Variants in FRK observed in about 807,000 individuals in gnomAD.
The protein encoded by FRK is tyrosine-protein kinase FRK.
Under a neutral mutation model 56.4 loss-of-function variants are expected in FRK, and 51 were observed. That is an observed-to-expected ratio of 0.90 (90% CI 0.72 to 1.14). FRK has a LOEUF of 1.14. Ranked by LOEUF, FRK falls within the 50% of genes most tolerant of loss-of-function variation. The pLI is 0.00. For synonymous variants in FRK, 245 were observed against 217.9 expected (o/e 1.12, Z -1.10); for missense variants, 570 against 601.4 (o/e 0.95, Z 0.55).
chr6:116,009,008 C>G (rs1236439061), intron 1 of FRK, among the ~76,000 whole-genome samples: 4 of 152,070 alleles, frequency 2.6e-5, no homozygotes, highest in Non-Finnish European at 5.9e-5. Flanking sequence ...AGAGTATGCT[C>G]AGAGAGTCCA....
chr6:116,001,191 T>C (rs1051557860), intron 2 of FRK, among the ~76,000 whole-genome samples: 6 of 149,974 alleles, frequency 4.0e-5, no homozygotes, highest in Admixed American at 3.3e-4. Context: ...TGAGCCGACA[T>C]GGCGCCACTG....
At chr6:116,056,355 G>C (rs1777400156) in intron 1 of FRK, among the ~76,000 whole-genome samples, 1 of 151,852 alleles carries the variant, frequency 6.6e-6, no homozygotes, top group South Asian at 2.1e-4. Context: ...CGAGTAGCTG[G>C]GACTACAGGT....
At chr6:115,970,331 A>G (rs2114608692) in intron 2 of FRK, among the ~76,000 whole-genome samples, 1 of 152,332 alleles carries the variant, frequency 6.6e-6, no homozygotes, top group South Asian at 2.1e-4. Context: ...ACTCCTAAGC[A>G]TAAAATCAAT....
the FRK span, among the ~76,000 whole-genome samples, chr6:116,067,070 G>T: frequency 6.6e-6 from 1 of 151,976 alleles, no homozygotes; most frequent in Non-Finnish European, 1.5e-5. Context: ...CAGTATGACA[G>T]GTGTCCTCAT....
intron 5 of FRK, among the ~76,000 whole-genome samples, chr6:115,955,231 G>C (rs1349638026): frequency 6.6e-6 from 1 of 151,850 alleles, no homozygotes; most frequent in Non-Finnish European, 1.5e-5. Context: ...AAAGGAAGGA[G>C]GAAATGCCAT....
chr6:116,071,439 A>G, the FRK span, among the ~76,000 whole-genome samples: 1 of 152,192 alleles, frequency 6.6e-6, no homozygotes, highest in African/African-American at 2.4e-5. Context: ...CATTTACAGA[A>G]TGTGAAAAAC....
chr6:116,068,343 T>G, the FRK span, among the ~76,000 whole-genome samples: 1 of 151,932 alleles, frequency 6.6e-6, no homozygotes, highest in Non-Finnish European at 1.5e-5. Flanking sequence ...AGTCTTGGAA[T>G]TTAAAGAAAA....
Position 116,014,070 on chromosome 6 carries a change from C to T in FRK, c.345-10072G>A, listed in dbSNP as rs1027233731. ...TATCATTTTAACACTCAGTGATGCA[C>T]TATGATGTCACTGAGCTTCATTAAA... is the stretch of plus-strand genomic sequence containing the variant. On this transcript the variant is annotated intron_variant, in intron 1 of 7. Transcript: ENST00000606080. 1.6e-3 allele frequency among the ~76,000 whole-genome samples: 239 copies of T among 152,320 alleles called. 1 individual carries two copies. Among genetic ancestry groups the T allele is most frequent in the Non-Finnish European group, 3.5e-4 (24 of 68,024 alleles).
intron 1 of FRK, among the ~76,000 whole-genome samples, chr6:116,041,149 T>C (rs886235389): frequency 3.9e-5 from 6 of 152,242 alleles, no homozygotes; most frequent in Non-Finnish European, 5.9e-5. Context: ...TGATAAAAGA[T>C]AGCACAGAGT....
At chr6:116,079,033 C>T in the FRK span, among the ~76,000 whole-genome samples, 393 of 152,104 alleles carry the variant, frequency 2.6e-3, 12 homozygotes, top group South Asian at 0.044. Flanking sequence ...TTGGGATGCA[C>T]TTTTGGGTTA....
the FRK span, among the ~76,000 whole-genome samples, chr6:116,078,761 T>G: frequency 6.6e-6 from 1 of 152,216 alleles, no homozygotes; most frequent in African/African-American, 2.4e-5. Context: ...CCTCTCCCAG[T>G]GCCAAACACT....
chr6:116,026,276 C>A (rs981846927), intron 1 of FRK, among the ~76,000 whole-genome samples: 9 of 152,004 alleles, frequency 5.9e-5, no homozygotes, highest in African/African-American at 2.2e-4. Flanking sequence ...TACGCTATGG[C>A]TAAGTCTGTC....
At chr6:116,003,510 CAGA>C (rs1185390892) in intron 2 of FRK, among the ~76,000 whole-genome samples, 1 of 152,014 alleles carries the variant, frequency 6.6e-6, no homozygotes, top group African/African-American at 2.4e-5. Flanking sequence ...ATTGAAATGC[CAGA>C]AGAAGAAAAA....
chr6:116,072,622 A>G, the FRK span, among the ~76,000 whole-genome samples: 2 of 152,136 alleles, frequency 1.3e-5, no homozygotes, highest in Admixed American at 6.6e-5. Context: ...TACCATGATG[A>G]CAATGTTCCA....
At position 115,940,487 on chromosome 6, in the gene FRK, A is replaced by G. The variant is rs1772136042; in HGVS notation, c.*1927T>C. On this transcript the variant is annotated 3_prime_UTR_variant, in exon 8 of 8. Coordinates refer to ENST00000606080, the MANE Select transcript of FRK (RefSeq NM_002031.3). ...AGCCCAAATTGAGAAATGGGATCTAATTAAACTAAAGAGCTTCTAGACAGC... is the reference window on the plus strand; with the variant it reads ...AGCCCAAATTGAGAAATGGGATCTAGTTAAACTAAAGAGCTTCTAGACAGC... 6.6e-6 allele frequency: 1 copy of G among 152,214 alleles called. No individual in the cohort carries two copies. Among genetic ancestry groups the G allele is most frequent in the African/African-American group, 2.4e-5 (1 of 41,454 alleles). The allele number at this position is 152,214 out of a possible 1,614,324, so 9.4% of individuals were successfully genotyped here.
At chr6:116,032,283 TA>T (rs370827799) in intron 1 of FRK, among the ~76,000 whole-genome samples, 83 of 152,152 alleles carry the variant, frequency 5.5e-4, no homozygotes, top group African/African-American at 1.9e-3. Context: ...AAAGGCAAGC[TA>T]AAACTGAAAA....
At chr6:116,035,765 C>T (rs796299342) in intron 1 of FRK, among the ~76,000 whole-genome samples, 24 of 151,968 alleles carry the variant, frequency 1.6e-4, no homozygotes, top group African/African-American at 5.8e-4. Flanking sequence ...TTTTTTTCAA[C>T]ATTGCTGGCT....
At position 115,938,904 on chromosome 6, in the gene FRK, C is replaced by G. The variant is rs1355711155; in HGVS notation, c.*3510G>C. 6.6e-6 allele frequency: 1 copy of G among 151,610 alleles called. No homozygotes were observed. Among genetic ancestry groups the G allele is most frequent in the African/African-American group, 2.4e-5 (1 of 41,242 alleles). The allele number at this position is 151,610 out of a possible 1,614,324, so 9.4% of individuals were successfully genotyped here. On this transcript the variant is annotated 3_prime_UTR_variant, in exon 8 of 8. Transcript: ENST00000606080. ...ATTCTACCAGAGGTACAAAGAGGTA[C>G]AAAGCTAGTACTATTCTTTCTGAAA...
the FRK span, among the ~76,000 whole-genome samples, chr6:116,098,109 T>G: frequency 8.3e-6 from 1 of 120,576 alleles, no homozygotes; most frequent in Non-Finnish European, 1.7e-5. Context: ...GCTTTTTTTT[T>G]TTTTTTTTTT....
Sources: allele counts gnomAD v4.1 joint callset (sites outside exome capture counted in the v4.1 genomes callset), GRCh38; gene constraint gnomAD v4.1.1; transcripts MANE v1.5; gene names NCBI Gene and HGNC (gene_info 2026-07-23, HGNC 2026-07-21).